NT5DC1: variants seen among roughly 807,000 people sequenced by gnomAD.
NT5DC1 encodes the protein 5'-nucleotidase domain-containing protein 1.
In NT5DC1, 42 loss-of-function variants were observed where a neutral mutation model predicts 59.4. That is an observed-to-expected ratio of 0.71 (90% CI 0.55 to 0.92). The LOEUF is 0.92. Ranked by LOEUF, NT5DC1 falls within the 40% of genes least tolerant of loss-of-function variation. The pLI is 0.00. For missense variants in NT5DC1, 501 were observed against 537.1 expected, an observed-to-expected ratio of 0.93 and a Z score of 0.66; for synonymous variants, 172 against 188.1, an observed-to-expected ratio of 0.91 and a Z score of 0.70.
In NT5DC1 at chr6:116,185,963, C is replaced by T. The variant is rs539467989; in HGVS notation, c.530-35091C>T. ...TTCATTGTATTGTTGTTTTATAGAT[C>T]CTGTGAGATTTATGCTTTAAGGAGG... On this transcript the variant is annotated intron_variant, in intron 6 of 11. Coordinates refer to ENST00000319550, the MANE Select transcript of NT5DC1 (RefSeq NM_152729.3). Among the ~76,000 whole-genome samples the T allele has an allele frequency of 6.6e-5, 10 of 151,960 alleles. No individual in the cohort carries two copies. The South Asian group carries it at 1.5e-3, about 22-fold the overall frequency.
intron 6 of NT5DC1, among the ~76,000 whole-genome samples, chr6:116,205,240 A>G (rs926731424): frequency 3.3e-5 from 5 of 151,980 alleles, no homozygotes; most frequent in African/African-American, 1.2e-4. Flanking sequence ...CAACAACAAA[A>G]TAAGCTGGGC....
At chr6:116,175,590 G>A (rs1045921230) in intron 6 of NT5DC1, among the ~76,000 whole-genome samples, 1 of 152,098 alleles carries the variant, frequency 6.6e-6, no homozygotes, top group Non-Finnish European at 1.5e-5. Flanking sequence ...GTTTGTGGAT[G>A]CCCTGTTCCT....
Position 116,125,527 on chromosome 6 carries a change from A to G in NT5DC1, c.529+7582A>G, listed in dbSNP as rs147235308. On this transcript the variant is annotated intron_variant, in intron 6 of 11. Coordinates refer to ENST00000319550, the MANE Select transcript of NT5DC1 (RefSeq NM_152729.3). ...TGGATTCTGAAAAACAGAAAAGAATAACTTTATACAGCATTGTTATTAACC... is the reference window on the plus strand; with the variant it reads ...TGGATTCTGAAAAACAGAAAAGAATGACTTTATACAGCATTGTTATTAACC... The G allele has an allele frequency of 6.3e-5, 102 of 1,607,378 alleles. 1 individual carries two copies. The African/African-American group carries it at 1.1e-3, about 18-fold the overall frequency.
intron 6 of NT5DC1, among the ~76,000 whole-genome samples, chr6:116,184,971 G>A (rs1353294538): frequency 6.6e-6 from 1 of 151,824 alleles, no homozygotes; most frequent in Non-Finnish European, 1.5e-5. Context: ...ACCTTAGATT[G>A]TCTATTTGTG....
rs1369034188 is a variant in NT5DC1 at position 116,221,298 on chromosome 6, TAA to T, written c.704+73_704+74del. On this transcript the variant is annotated intron_variant, in intron 7 of 11. Transcript: ENST00000319550. ...ATAGCAAATTAGACCAGGGCTTTTT[TAA>T]AAGTGTCAGCCATGACCATATCATT... 11 of 908,710 alleles carry T rather than the reference TAA, an allele frequency of 1.2e-5. No individual in the cohort carries two copies. In the African/African-American group the frequency reaches 1.8e-4, roughly 15 times the overall value. The allele number at this position is 908,710 out of a possible 1,614,324, so 56.3% of individuals were successfully genotyped here.
rs1771792380 is a variant in NT5DC1 at position 116,244,111 on chromosome 6, G to A, written c.*87G>A. On this transcript the variant is annotated 3_prime_UTR_variant, in exon 12 of 12. Transcript: ENST00000319550. ...CAAAAAATACTGTAAAAGACTTTAA[G>A]GAACAAGTTTTATTGACCAATAAGT... is the stretch of plus-strand genomic sequence containing the variant. The A allele has an allele frequency of 1.9e-6, 1 of 525,474 alleles. No individual in the cohort carries two copies. The highest frequency in any genetic ancestry group is 3.3e-5 in the South Asian group (1 of 30,118). The allele number at this position is 525,474 out of a possible 1,614,324, so 32.6% of individuals were successfully genotyped here.
intron 8 of NT5DC1, among the ~76,000 whole-genome samples, chr6:116,223,504 C>T (rs1781850374): frequency 6.6e-6 from 1 of 152,186 alleles, no homozygotes; most frequent in Admixed American, 6.5e-5. Flanking sequence ...CTCTGGGGAA[C>T]AGGCAAGGCC....
In NT5DC1 at chr6:116,244,111, G is replaced by C. The variant is rs1771792380; in HGVS notation, c.*87G>C. 1.9e-6 allele frequency: 1 copy of C among 525,356 alleles called. No homozygotes were observed. The highest frequency in any genetic ancestry group is 2.0e-5 in the African/African-American group (1 of 51,054). 32.5% of individuals were successfully genotyped at this position (525,356 alleles called of 1,614,324 possible). A position where few individuals can be genotyped will look rare whatever the true frequency, so the allele number is the denominator to read the frequency against. ...CAAAAAATACTGTAAAAGACTTTAA[G>C]GAACAAGTTTTATTGACCAATAAGT... On this transcript the variant is annotated 3_prime_UTR_variant, in exon 12 of 12. Transcript: ENST00000319550.
chr6:116,199,054 A>G (rs1255115573), intron 6 of NT5DC1, among the ~76,000 whole-genome samples: 1 of 152,034 alleles, frequency 6.6e-6, no homozygotes, highest in South Asian at 2.1e-4. Flanking sequence ...ACTGGCCTCT[A>G]TCCACTAGAT....
At chr6:116,154,836 A>G (rs995142250) in intron 6 of NT5DC1, among the ~76,000 whole-genome samples, 3 of 152,198 alleles carry the variant, frequency 2.0e-5, no homozygotes, top group South Asian at 4.1e-4. Context: ...ACTTTCTTTG[A>G]CTTGCCTATG....
intron 6 of NT5DC1, among the ~76,000 whole-genome samples, chr6:116,158,294 T>A (rs1780250691): frequency 6.6e-6 from 1 of 152,114 alleles, no homozygotes; most frequent in Non-Finnish European, 1.5e-5. Context: ...ATAGCTTTCT[T>A]GTTAGTCCTG....
intron 4 of NT5DC1, among the ~76,000 whole-genome samples, chr6:116,114,419 C>A (rs538160121): frequency 6.6e-6 from 1 of 150,866 alleles, no homozygotes; most frequent in South Asian, 2.1e-4. Flanking sequence ...CTCATTCATT[C>A]ATTCAGCAAA....
chr6:116,109,855 A>T (rs1562117510), intron 3 of NT5DC1, among the ~76,000 whole-genome samples: 1 of 152,176 alleles, frequency 6.6e-6, no homozygotes, highest in Non-Finnish European at 1.5e-5. Context: ...AATTTCTCAT[A>T]ATAAACTACA....
intron 7 of NT5DC1, among the ~76,000 whole-genome samples, chr6:116,222,441 G>A (rs1349675331): frequency 6.6e-6 from 1 of 152,020 alleles, no homozygotes; most frequent in Non-Finnish European, 1.5e-5. Flanking sequence ...TCAGGAGAAG[G>A]GCTACCTTGC....
intron 6 of NT5DC1, among the ~76,000 whole-genome samples, chr6:116,169,982 T>C (rs1274123835): frequency 6.6e-6 from 1 of 152,122 alleles, no homozygotes; most frequent in South Asian, 2.1e-4. Context: ...CAAAGAGAAT[T>C]AGTCACCTGT....
chr6:116,244,052 G>C lies in NT5DC1; in HGVS notation c.*28G>C. On this transcript the variant is annotated 3_prime_UTR_variant, in exon 12 of 12. Transcript: ENST00000319550. Reference sequence around the variant, plus strand: ...TGTCTTTACTGAAAAATGAAGTGAAGACCCATATATGCAGTTAAAAAAAAG... The same window carrying C: ...TGTCTTTACTGAAAAATGAAGTGAACACCCATATATGCAGTTAAAAAAAAG... 1 of 923,480 alleles carries C rather than the reference G, an allele frequency of 1.1e-6. No homozygotes were observed. 57.2% of individuals were successfully genotyped at this position (923,480 alleles called of 1,614,324 possible).
At chr6:116,231,951 A>G (rs969595997) in intron 8 of NT5DC1, among the ~76,000 whole-genome samples, 1 of 152,254 alleles carries the variant, frequency 6.6e-6, no homozygotes, top group Non-Finnish European at 1.5e-5. Context: ...TGCCGTAACA[A>G]AATACCACAA....
At chr6:116,178,088 T>TGTGCGCGC (rs1491426656) in intron 6 of NT5DC1, among the ~76,000 whole-genome samples, 5 of 99,624 alleles carry the variant, frequency 5.0e-5, no homozygotes, top group African/African-American at 2.3e-4. Context: ...TGTGTGTGTG[T>TGTGCGCGC]GCGCGCGCGC....
chr6:116,103,077 T>C (rs1778695255), intron 1 of NT5DC1, among the ~76,000 whole-genome samples: 1 of 152,218 alleles, frequency 6.6e-6, no homozygotes, highest in Non-Finnish European at 1.5e-5. Flanking sequence ...ATATTAACAC[T>C]TCCTGTTTAC....
Sources: allele counts gnomAD v4.1 joint callset (sites outside exome capture counted in the v4.1 genomes callset), GRCh38; gene constraint gnomAD v4.1.1; transcripts MANE v1.5; gene names NCBI Gene and HGNC (gene_info 2026-07-23, HGNC 2026-07-21).